LRP1B: variants seen among roughly 807,000 people sequenced by gnomAD.
LRP1B encodes the protein low-density lipoprotein receptor-related protein 1B.
LRP1B carries 217 observed loss-of-function variants against 556.6 expected under a neutral mutation model. The ratio of observed to expected loss-of-function variants is 0.39; its 90% CI spans 0.35 to 0.44. The LOEUF (loss-of-function observed/expected upper bound fraction) is 0.44, where lower values mean the gene tolerates loss of function less well. LRP1B is among the 20% of genes least tolerant of loss of function. LRP1B has a pLI of 1.00. For synonymous variants in LRP1B, 2,047 were observed against 1,865.8 expected, an observed-to-expected ratio of 1.10 and a Z score of -2.50; for missense variants, 5,053 against 5,620.8, an observed-to-expected ratio of 0.90 and a Z score of 3.23.
At chr2:142,127,047 C>T (rs1707678688) in intron 1 of LRP1B, among the ~76,000 whole-genome samples, 1 of 151,552 alleles carries the variant, frequency 6.6e-6, no homozygotes. Context: ...AATACATTAA[C>T]CATATCACTC....
chr2:142,109,113 A>T (rs1252827561), intron 1 of LRP1B, among the ~76,000 whole-genome samples: 2 of 152,168 alleles, frequency 1.3e-5, no homozygotes, highest in African/African-American at 4.8e-5. Context: ...TTGAAAATGT[A>T]TTTTTCAGAG....
At chr2:140,257,015 G>A (rs1206671618) in intron 86 of LRP1B, among the ~76,000 whole-genome samples, 3 of 151,752 alleles carry the variant, frequency 2.0e-5, no homozygotes, top group Non-Finnish European at 4.4e-5. Context: ...CCTTTAACAT[G>A]ATGGCTTTTT....
At chr2:142,083,775 A>C (rs1393221677) in intron 1 of LRP1B, among the ~76,000 whole-genome samples, 1 of 152,204 alleles carries the variant, frequency 6.6e-6, no homozygotes, top group Non-Finnish European at 1.5e-5. Flanking sequence ...AATGGAGCAA[A>C]AAATCTTTAT....
rs1699874369 is a variant in LRP1B at position 141,079,585 on chromosome 2, TTAG to T, written c.1014-17315_1014-17313del. On this transcript the variant is annotated intron_variant, in intron 7 of 90. Coordinates refer to ENST00000389484, the MANE Select transcript of LRP1B (RefSeq NM_018557.3). The stretch of plus-strand genomic sequence containing the variant: ...ATAATGCTCTGAAAAGCCTTAATCT[TTAG>T]TTTCCTTCCTTCCCTTCCTTCTCTC... Among the ~76,000 whole-genome samples, 3 of 152,210 alleles carry T rather than the reference TTAG, an allele frequency of 2.0e-5. No homozygotes were observed. In the South Asian group the frequency reaches 6.2e-4, roughly 31 times the overall value.
At chr2:141,464,606 A>ATATATTTTTTTTTTTTTTTT in intron 3 of LRP1B, among the ~76,000 whole-genome samples, 4 of 90,540 alleles carry the variant, frequency 4.4e-5, no homozygotes, top group East Asian at 2.8e-4. Context: ...ATATATATAT[A>ATATATTTTTTTTTTTTTTTT]TTTTTTTAGT....
At chr2:140,464,617 A>G (rs1454764413) in intron 60 of LRP1B, among the ~76,000 whole-genome samples, 1 of 152,228 alleles carries the variant, frequency 6.6e-6, no homozygotes, top group Non-Finnish European at 1.5e-5. Context: ...AAACAAAGCA[A>G]CATTGCTTCA....
chr2:140,987,017 T>C (rs565921079), intron 17 of LRP1B, among the ~76,000 whole-genome samples: 29 of 152,280 alleles, frequency 1.9e-4, no homozygotes, highest in African/African-American at 7.0e-4. Context: ...TAGCAATGGA[T>C]TGAAATCCAG....
chr2:141,431,437 A>T (rs925203693), intron 3 of LRP1B, among the ~76,000 whole-genome samples: 5 of 152,280 alleles, frequency 3.3e-5, no homozygotes, highest in African/African-American at 1.2e-4. Context: ...TTTGCCAACA[A>T]CCTGAACGAT....
chr2:140,880,534 C>G (rs1486020175), intron 25 of LRP1B, among the ~76,000 whole-genome samples: 1 of 151,996 alleles, frequency 6.6e-6, no homozygotes, highest in Non-Finnish European at 1.5e-5. Context: ...GTTTTATAAC[C>G]CAAAGTGAAT....
rs913440610 is a variant in LRP1B, at chr2:140,650,276, G to A, written c.6800-48637C>T. ...AGAGGAAGGCAATTCAGCTGGCTCC[G>A]ATAGAAAGTTAGTTAAATCACTTTA... On this transcript the variant is annotated intron_variant, in intron 41 of 90. Coordinates refer to ENST00000389484, the MANE Select transcript of LRP1B (RefSeq NM_018557.3). Among the ~76,000 whole-genome samples, 174 of 151,256 alleles carry A rather than the reference G, an allele frequency of 1.2e-3. 1 individual carries two copies. Among genetic ancestry groups the A allele is most frequent in the African/African-American group, 4.0e-3 (166 of 41,402 alleles).
intron 3 of LRP1B, among the ~76,000 whole-genome samples, chr2:141,326,903 C>A (rs1384941830): frequency 6.6e-6 from 1 of 152,020 alleles, no homozygotes; most frequent in East Asian, 1.9e-4. Flanking sequence ...ATTCTGGCAG[C>A]AATTTTGGGG....
rs140694853 is a variant in LRP1B at position 141,821,189 on chromosome 2, C to G, written c.83-10788G>C. On this transcript the variant is annotated intron_variant, in intron 1 of 90. Transcript: ENST00000389484. Reference sequence around the variant, plus strand: ...CATTGAGCACTCTTCAGGCTTCTGACTCCCACGCTGTAAGACAGAAATTTG... The same window carrying G: ...CATTGAGCACTCTTCAGGCTTCTGAGTCCCACGCTGTAAGACAGAAATTTG... Among the ~76,000 whole-genome samples the G allele has an allele frequency of 2.8e-3, 433 of 152,374 alleles. 5 individuals carry two copies. The highest frequency in any genetic ancestry group is 9.9e-3 in the African/African-American group (410 of 41,596).
At chr2:141,289,099 T>C (rs1400710479) in intron 3 of LRP1B, among the ~76,000 whole-genome samples, 1 of 150,318 alleles carries the variant, frequency 6.7e-6, no homozygotes, top group Non-Finnish European at 1.5e-5. Context: ...AGAATGCAAA[T>C]GCGGCCGGGC....
intron 66 of LRP1B, among the ~76,000 whole-genome samples, chr2:140,423,767 C>T (rs1685546778): frequency 6.6e-6 from 1 of 151,952 alleles, no homozygotes; most frequent in Admixed American, 6.6e-5. Context: ...TAGTATGTAC[C>T]TACAGTGAAA....
intron 7 of LRP1B, among the ~76,000 whole-genome samples, chr2:141,091,146 G>C (rs1334513577): frequency 6.6e-6 from 1 of 152,022 alleles, no homozygotes; most frequent in Non-Finnish European, 1.5e-5. Context: ...TGGAATAGAA[G>C]AGTATAAAAA....
At chr2:142,110,839 T>C (rs57153124) in intron 1 of LRP1B, among the ~76,000 whole-genome samples, 3,517 of 152,276 alleles carry the variant, frequency 0.023, 57 homozygotes, top group African/African-American at 0.039. Context: ...GTTCTCTTTT[T>C]CTTCACTAAT....
At chr2:140,306,693 T>C in intron 83 of LRP1B, among the ~76,000 whole-genome samples, 1 of 152,126 alleles carries the variant, frequency 6.6e-6, no homozygotes, top group Non-Finnish European at 1.5e-5. Flanking sequence ...TCTTGCCTTC[T>C]GCTAGCTTTT....
intron 28 of LRP1B, 97 bp downstream of exon 28, chr2:140,851,555 C>A (rs78376801): frequency 7.2e-7 from 1 of 1,383,212 alleles, no homozygotes; most frequent in Non-Finnish European, 9.8e-7. Flanking sequence ...GAAAAAAAAA[C>A]TTCCTCTGCT....
chr2:141,435,863 T>G (rs1680745142), intron 3 of LRP1B, among the ~76,000 whole-genome samples: 1 of 152,190 alleles, frequency 6.6e-6, no homozygotes, highest in Non-Finnish European at 1.5e-5. Context: ...ATAGAACTTC[T>G]GCAACATGGG....
Sources: gnomAD v4.1 joint callset for allele counts (sites outside exome capture counted in the v4.1 genomes callset) on GRCh38, gnomAD v4.1.1 for gene constraint, MANE v1.5 for transcripts, NCBI Gene and HGNC (gene_info 2026-07-23, HGNC 2026-07-21) for gene names.